Variants in COA5 observed in about 807,000 individuals in gnomAD.
COA5 encodes the protein cytochrome c oxidase assembly factor 5, also known as protein C2orf64.
In COA5, 11 loss-of-function variants were observed where a neutral mutation model predicts 11.8. The ratio of observed to expected loss-of-function variants is 0.93; its 90% CI spans 0.59 to 1.54. COA5 has a LOEUF of 1.54. COA5 is among the 40% of genes most tolerant of loss of function. The pLI is 0.00. For missense variants in COA5, 87 were observed against 89.2 expected (o/e 0.97, Z 0.10); for synonymous variants, 38 against 37.5 (o/e 1.01, Z -0.05).
Position 98,600,735 on chromosome 2 carries a change from G to A in COA5, c.*17C>T, listed in dbSNP as rs1700630614. ...GAAAATATTTGTTGTTTTCCATGTT[G>A]GCTTCAACATAATGCATCAATATCC... On this transcript the variant is annotated 3_prime_UTR_variant, in exon 3 of 3. Transcript: ENST00000328709. 2 of 1,606,920 alleles carry A rather than the reference G, an allele frequency of 1.2e-6. No homozygotes were observed. Among genetic ancestry groups the A allele is most frequent in the Admixed American group, 1.7e-5 (1 of 59,786 alleles).
In COA5 at chr2:98,606,424, T is replaced by A. The variant is rs371108493; in HGVS notation, c.99+1883A>T. The stretch of plus-strand genomic sequence containing the variant: ...CCATCTAAAGAACTGCTTATAAGCA[T>A]CACGTTTTCTGGCTGACCAAACTGA... On this transcript the variant is annotated intron_variant, in intron 1 of 2. Coordinates refer to ENST00000328709, the MANE Select transcript of COA5 (RefSeq NM_001008215.3). 1.2e-4 allele frequency among the ~76,000 whole-genome samples: 19 copies of A among 152,328 alleles called. No individual in the cohort carries two copies. In the South Asian group the frequency reaches 3.7e-3, roughly 30 times the overall value.
At chr2:98,604,293 G>T in intron 1 of COA5, 102 bp from the exon 2 acceptor site, 2 of 904,540 alleles carry the variant, frequency 2.2e-6, no homozygotes, top group Non-Finnish European at 3.6e-6. Context: ...AGTGTTAAAG[G>T]AGGAAAATAG....
At chr2:98,602,766 T>G (rs926844375) in intron 2 of COA5, 1 of 154,310 alleles carries the variant, frequency 6.5e-6, no homozygotes, top group Non-Finnish European at 1.5e-5. Context: ...TATGTAAGAT[T>G]GTTAAAAATT....
rs766218706 is a variant in COA5 at position 98,604,125 on chromosome 2, CA to C, written c.165del (p.Phe55LeufsTer25). The stretch of plus-strand genomic sequence containing the variant: ...CCACTTACCACTGATCTTTTACACT[CA>C]AAAAATGCGTACTTCAAAGAGTTGC... ...GYCNSLKYAF[F>X]ECKRSVLDNR... On this transcript the variant is annotated frameshift_variant, in exon 2 of 3. Transcript: ENST00000328709. LOFTEE classifies it high-confidence loss of function. 6.2e-7 allele frequency: 1 copy of C among 1,613,716 alleles called. No individual in the cohort carries two copies. The highest frequency in any genetic ancestry group is 8.5e-7 in the Non-Finnish European group (1 of 1,179,720).
intron 1 of COA5, among the ~76,000 whole-genome samples, chr2:98,606,526 C>T (rs1417960668): frequency 6.6e-6 from 1 of 152,246 alleles, no homozygotes; most frequent in African/African-American, 2.4e-5. Flanking sequence ...TCTCTGCCTA[C>T]AGCATTCTAG....
At chr2:98,603,415 AG>A (rs1700670139) in intron 2 of COA5, among the ~76,000 whole-genome samples, 2 of 152,164 alleles carry the variant, frequency 1.3e-5, no homozygotes, top group African/African-American at 4.8e-5. Context: ...CAGGAGGCAG[AG>A]GTTGCAGTGA....
chr2:98,603,440 C>T (rs1477783372), intron 2 of COA5, among the ~76,000 whole-genome samples: 6 of 152,006 alleles, frequency 3.9e-5, no homozygotes, highest in Non-Finnish European at 8.8e-5. Flanking sequence ...GAGATTGCGC[C>T]ACTGCACTCC....
intron 2 of COA5, among the ~76,000 whole-genome samples, chr2:98,602,824 G>A (rs1334053768): frequency 2.0e-5 from 3 of 152,078 alleles, no homozygotes; most frequent in Non-Finnish European, 4.4e-5. Flanking sequence ...ATCTGACTTC[G>A]TTCTTTGGAG....
chr2:98,608,228 G>T, intron 1 of COA5, 79 bp downstream of exon 1: 1 of 1,097,882 alleles, frequency 9.1e-7, no homozygotes, highest in Non-Finnish European at 1.3e-6. Flanking sequence ...CCGCCGCCGC[G>T]GGCGACCCGC....
At chr2:98,607,671 T>C (rs1229950578) in intron 1 of COA5, among the ~76,000 whole-genome samples, 1 of 152,240 alleles carries the variant, frequency 6.6e-6, no homozygotes, top group East Asian at 1.9e-4. Flanking sequence ...TCAGGTCCAC[T>C]GTGAACCTCA....
chr2:98,604,033 A>G, intron 2 of COA5, 75 bp downstream of exon 2: 1 of 1,066,730 alleles, frequency 9.4e-7, no homozygotes, highest in Non-Finnish European at 1.5e-6. Context: ...ACCTATAACT[A>G]TTAAGTCATT....
intron 1 of COA5, among the ~76,000 whole-genome samples, chr2:98,606,937 CCCACAA>C: frequency 6.6e-6 from 1 of 152,162 alleles, no homozygotes; most frequent in Non-Finnish European, 1.5e-5. Flanking sequence ...TCAGATTTTC[CCCACAA>C]CCACAACAGT....
At chr2:98,603,819 A>C (rs1304383919) in intron 2 of COA5, among the ~76,000 whole-genome samples, 2 of 152,240 alleles carry the variant, frequency 1.3e-5, no homozygotes, top group African/African-American at 4.8e-5. Context: ...TCGAGTGGCC[A>C]ACATCAACTT....
chr2:98,604,332 C>A, intron 1 of COA5, 141 bp from the exon 2 acceptor site: 1 of 704,926 alleles, frequency 1.4e-6, no homozygotes, highest in Non-Finnish European at 2.5e-6. Flanking sequence ...GTTCTTAATT[C>A]ATTTGGGCTA....
At chr2:98,603,921 T>C (rs1462734548) in intron 2 of COA5, among the ~76,000 whole-genome samples, 187 bp downstream of exon 2, 3 of 152,208 alleles carry the variant, frequency 2.0e-5, no homozygotes, top group Non-Finnish European at 2.9e-5. Flanking sequence ...CAGAAGAACA[T>C]AACAATGAGC....
At chr2:98,600,994 C>T (rs544263518) in intron 2 of COA5, among the ~76,000 whole-genome samples, 37 of 152,128 alleles carry the variant, frequency 2.4e-4, no homozygotes, top group Non-Finnish European at 4.4e-4. Context: ...GCCTGTAATC[C>T]CAGCACTTTG....
chr2:98,601,927 C>T (rs915668542), intron 2 of COA5, among the ~76,000 whole-genome samples: 14 of 152,112 alleles, frequency 9.2e-5, no homozygotes, highest in African/African-American at 1.9e-4. Context: ...CTTCCCCGTC[C>T]GTGGAAAGAT....
At position 98,600,409 on chromosome 2, in the gene COA5, C is replaced by A; in HGVS notation, c.*343G>T. On this transcript the variant is annotated 3_prime_UTR_variant, in exon 3 of 3. Coordinates refer to ENST00000328709, the MANE Select transcript of COA5 (RefSeq NM_001008215.3). ...ATGTTATCGACTGTGTCAGTCAAAT[C>A]AGTGGCCTGTACTAATTGGGTAATT... 1 of 312,144 alleles carries A rather than the reference C, an allele frequency of 3.2e-6. No homozygotes were observed. The highest frequency in any genetic ancestry group is 6.1e-6 in the Non-Finnish European group (1 of 163,914). 19.3% of individuals were successfully genotyped at this position (312,144 alleles called of 1,614,324 possible).
rs1383510694 is a variant in COA5, at chr2:98,600,039, T to G, written c.*713A>C. On this transcript the variant is annotated 3_prime_UTR_variant, in exon 3 of 3. Coordinates refer to ENST00000328709, the MANE Select transcript of COA5 (RefSeq NM_001008215.3). ...GATTTGTGGACCCTGAAAAAGGAAGTTCTCTCTCTCCCTTTTGAATCATGG... is the reference window on the plus strand; with the variant it reads ...GATTTGTGGACCCTGAAAAAGGAAGGTCTCTCTCTCCCTTTTGAATCATGG... 6.6e-6 allele frequency: 1 copy of G among 152,296 alleles called. No homozygotes were observed. Among genetic ancestry groups the G allele is most frequent in the African/African-American group, 2.4e-5 (1 of 41,458 alleles). The allele number at this position is 152,296 out of a possible 1,614,324, so 9.4% of individuals were successfully genotyped here.
Sources: gnomAD v4.1 joint callset for allele counts (sites outside exome capture counted in the v4.1 genomes callset) on GRCh38, gnomAD v4.1.1 for gene constraint, MANE v1.5 for transcripts, NCBI Gene and HGNC (gene_info 2026-07-23, HGNC 2026-07-21) for gene names.